CAST: variants seen among roughly 807,000 people sequenced by gnomAD.
CAST encodes MIR583 host.
Under a neutral mutation model 119.6 loss-of-function variants are expected in CAST, and 76 were observed. The ratio of observed to expected loss-of-function variants is 0.64; its 90% CI spans 0.53 to 0.77. The LOEUF (loss-of-function observed/expected upper bound fraction) is 0.77. Ranked by LOEUF, CAST falls within the 30% of genes least tolerant of loss-of-function variation. The pLI is 0.00. For missense variants in CAST, 953 were observed against 946.5 expected (o/e 1.01, Z -0.09); for synonymous variants, 319 against 331.6 (o/e 0.96, Z 0.41).
intron 26 of CAST, among the ~76,000 whole-genome samples, 192 bp from the exon 27 acceptor site, chr5:96,765,861 C>T (rs1451476836): frequency 6.6e-6 from 1 of 152,202 alleles, no homozygotes; most frequent in South Asian, 2.1e-4. Context: ...CAGAAGCATA[C>T]GGGATTTTAT....
chr5:96,727,046 C>T (rs1366416705), intron 5 of CAST, among the ~76,000 whole-genome samples, 187 bp downstream of exon 5: 1 of 152,176 alleles, frequency 6.6e-6, no homozygotes, highest in Non-Finnish European at 1.5e-5. Flanking sequence ...CTTTCTGTGC[C>T]CTCAATTCTG....
chr5:96,535,655 G>C (rs964577675), intron 1 of CAST, among the ~76,000 whole-genome samples: 2 of 139,740 alleles, frequency 1.4e-5, no homozygotes, highest in Non-Finnish European at 3.0e-5. Context: ...CTCACTGCAA[G>C]CTCCGCCTCC....
At chr5:96,069,380 T>A in the CAST span, among the ~76,000 whole-genome samples, 1 of 105,292 alleles carries the variant, frequency 9.5e-6, no homozygotes, top group South Asian at 3.3e-4. Context: ...TGTGTGTGTG[T>A]GTCTATGTGT....
At chr5:96,452,956 C>CAAAAAAAAAAAAAAAAAAA in the CAST span, among the ~76,000 whole-genome samples, 2 of 62,718 alleles carry the variant, frequency 3.2e-5, no homozygotes, top group African/African-American at 1.2e-4. Context: ...GACTCCGTCT[C>CAAAAAAAAAAAAAAAAAAA]AAAAAAAAAA....
chr5:96,090,494 TG>T, the CAST span, among the ~76,000 whole-genome samples: 2 of 152,102 alleles, frequency 1.3e-5, no homozygotes, highest in East Asian at 3.9e-4. Context: ...TAGGCCTCTC[TG>T]GGGTCCTCTT....
the CAST span, among the ~76,000 whole-genome samples, chr5:96,517,171 T>C: frequency 6.6e-6 from 1 of 151,244 alleles, no homozygotes; most frequent in East Asian, 1.9e-4. Flanking sequence ...GAATCTAGTT[T>C]TTCTACTGTT....
At position 96,757,759 on chromosome 5, in the gene CAST, T is replaced by G. The variant is rs181353344; in HGVS notation, c.1833+105T>G. The G allele has an allele frequency of 1.3e-4, 93 of 721,950 alleles. 1 individual carries two copies. In the East Asian group the frequency reaches 1.9e-3, roughly 15 times the overall value. 44.7% of individuals were successfully genotyped at this position (721,950 alleles called of 1,614,324 possible). On this transcript the variant is annotated intron_variant, in intron 24 of 31. Transcript: ENST00000675179. ...AGGCGGGAGTACAGTGGTGCCATCT[T>G]CAGTCACCGCAACCTCCACCTTCCA...
chr5:96,221,379 C>A, the CAST span, among the ~76,000 whole-genome samples: 1 of 151,958 alleles, frequency 6.6e-6, no homozygotes, highest in South Asian at 2.1e-4. Flanking sequence ...CCATCATAAC[C>A]CTCCTAGAGC....
chr5:96,008,028 A>G, the CAST span, among the ~76,000 whole-genome samples: 2 of 152,072 alleles, frequency 1.3e-5, no homozygotes, highest in Non-Finnish European at 2.9e-5. Context: ...GTGGCTGTCT[A>G]CAAGCCAGAA....
chr5:96,680,371 AAAAAAAAAGAAG>A (rs1322755487), intron 2 of CAST, among the ~76,000 whole-genome samples: 41 of 127,930 alleles, frequency 3.2e-4, no homozygotes, highest in African/African-American at 5.8e-4. Context: ...AAAAAAAAAA[AAAAAAAAAGAAG>A]AAGAAGAAAA....
chr5:96,445,283 T>C, the CAST span, among the ~76,000 whole-genome samples: 5 of 152,024 alleles, frequency 3.3e-5, no homozygotes, highest in Non-Finnish European at 5.9e-5. Context: ...GCTTCTGAGG[T>C]ACACACACCA....
chr5:95,984,565 C>CT, the CAST span, among the ~76,000 whole-genome samples: 2 of 152,166 alleles, frequency 1.3e-5, no homozygotes, highest in African/African-American at 4.8e-5. Flanking sequence ...CTGAAACTCT[C>CT]TGAGAAATCC....
the CAST span, among the ~76,000 whole-genome samples, chr5:96,249,908 G>A: frequency 1.3e-5 from 2 of 152,088 alleles, no homozygotes; most frequent in African/African-American, 2.4e-5. Context: ...CCCTTCTAGC[G>A]ATAGCAACCT....
At chr5:96,526,052 C>T (rs1169755032), upstream of CAST, among the ~76,000 whole-genome samples, 2 of 148,488 alleles carry the variant, frequency 1.3e-5, no homozygotes, top group African/African-American at 4.9e-5. Flanking sequence ...TGCACTAGTA[C>T]CTCATAACTG....
the CAST span, among the ~76,000 whole-genome samples, chr5:96,425,620 G>T: frequency 6.6e-6 from 1 of 151,876 alleles, no homozygotes; most frequent in African/African-American, 2.4e-5. Context: ...AGCAGCTAAA[G>T]ATATCTGTTT....
the CAST span, among the ~76,000 whole-genome samples, chr5:96,456,562 T>C: frequency 6.6e-6 from 1 of 152,242 alleles, no homozygotes; most frequent in Admixed American, 6.5e-5. Flanking sequence ...TCCATGTTGG[T>C]TTGATAATCT....
rs191327559 is a variant in CAST at position 96,642,930 on chromosome 5, C to G, written c.61-32609C>G. 4.2e-3 allele frequency among the ~76,000 whole-genome samples: 638 copies of G among 152,228 alleles called. 2 individuals carry two copies. The highest frequency in any genetic ancestry group is 0.013 in the African/African-American group (525 of 41,532). ...TTGCTCATTTTATCCTTCTAACACC[C>G]TTATGAGGTAGGAACCATTATTTTC... On this transcript the variant is annotated intron_variant, in intron 1 of 11. Transcript: ENST00000505143.
chr5:96,535,156 G>A (rs1009706774), intron 1 of CAST, among the ~76,000 whole-genome samples: 13 of 152,168 alleles, frequency 8.5e-5, no homozygotes, highest in Non-Finnish European at 1.5e-4. Flanking sequence ...AGAGGAACCA[G>A]TGGAAAAAAG....
chr5:96,588,247 G>C (rs1206673649), intron 1 of CAST, among the ~76,000 whole-genome samples: 5 of 122,408 alleles, frequency 4.1e-5, no homozygotes, highest in Non-Finnish European at 6.3e-5. Context: ...CTGTTGCCAG[G>C]CTGGAGTGCA....
Sources: allele counts gnomAD v4.1 joint callset (sites outside exome capture counted in the v4.1 genomes callset), GRCh38; gene constraint gnomAD v4.1.1; transcripts MANE v1.5; gene names NCBI Gene and HGNC (gene_info 2026-07-23, HGNC 2026-07-21).